The following CEP120 variants were observed in gnomAD, a reference collection of about 807,000 sequenced individuals.
CEP120 encodes centrosomal protein 120, also known as centrosomal protein of 120 kDa.
CEP120 carries 113 observed loss-of-function variants against 126.5 expected under a neutral mutation model. That is an observed-to-expected ratio of 0.89 (90% CI 0.77 to 1.04). The LOEUF (loss-of-function observed/expected upper bound fraction) is 1.04. Ranked by LOEUF, CEP120 falls within the 50% of genes least tolerant of loss-of-function variation. The pLI is 0.00. For synonymous variants in CEP120, 400 were observed against 394.3 expected (o/e 1.01, Z -0.17); for missense variants, 1,230 against 1,155.7 (o/e 1.06, Z -0.93).
chr5:123,370,487 G>GT (rs565536759), intron 17 of CEP120, among the ~76,000 whole-genome samples: 1 of 151,130 alleles, frequency 6.6e-6, no homozygotes, highest in East Asian at 2.0e-4. Flanking sequence ...TTTTGTTTTT[G>GT]TTTTTTTGAG....
At chr5:123,416,774 A>AT (rs950716472) in intron 2 of CEP120, among the ~76,000 whole-genome samples, 1 of 152,140 alleles carries the variant, frequency 6.6e-6, no homozygotes, top group African/African-American at 2.4e-5. Flanking sequence ...ATTATCATGA[A>AT]TTTTCAGGAC....
At position 123,372,735 on chromosome 5, in the gene CEP120, T is replaced by C; in HGVS notation, c.2396A>G (p.Lys799Arg). 3 of 1,607,214 alleles carry C rather than the reference T, an allele frequency of 1.9e-6. No individual in the cohort carries two copies. Among genetic ancestry groups the C allele is most frequent in the Non-Finnish European group, 2.5e-6 (3 of 1,176,658 alleles). ...CTGGTCCTTGAACTGTTGGAACTCT[T>C]TTTCCAAAATCTTATACTTATTTTC... Reference protein sequence around the residue: ...DAENKYKILEKEFQQFKDQQN... With the variant: ...DAENKYKILEREFQQFKDQQN... The change falls in exon 17 of 20, where the codon AAA becomes AGA. Residue 799 changes from lysine to arginine, a missense_variant. Lys to Arg is a conservative substitution (Grantham distance 26, BLOSUM62 2). Transcript: ENST00000306467.
chr5:123,422,700 T>A, intron 1 of CEP120: 2 of 748,856 alleles, frequency 2.7e-6, no homozygotes, highest in Non-Finnish European at 4.4e-6. Context: ...TGAAAATCGT[T>A]TTCTCTAGAT....
chr5:123,389,819 C>T (rs1772269273), intron 8 of CEP120, 105 bp downstream of exon 8: 2 of 1,037,500 alleles, frequency 1.9e-6, no homozygotes, highest in South Asian at 1.5e-5. Context: ...CTTAACAAAC[C>T]CACAATTTTT....
In CEP120 at chr5:123,371,634, A is replaced by G. The variant is rs539550081; in HGVS notation, c.2481+1016T>C. ...ACCACAGGGAGGATGGCCTGAAGGA[A>G]GCTGGAGAGAAGGGCTCTCTGATGG... On this transcript the variant is annotated intron_variant, in intron 17 of 19. Transcript: ENST00000306467. Among the ~76,000 whole-genome samples the G allele has an allele frequency of 6.6e-4, 101 of 152,196 alleles. 1 individual carries two copies. The highest frequency in any genetic ancestry group is 1.4e-3 in the Non-Finnish European group (92 of 67,972).
At chr5:123,388,700 T>C in intron 8 of CEP120, 94 bp from the exon 9 acceptor site, 1 of 1,008,226 alleles carries the variant, frequency 9.9e-7, no homozygotes, top group Non-Finnish European at 1.4e-6. Context: ...CTCATTTACC[T>C]TTAAGCAGGA....
intron 2 of CEP120, among the ~76,000 whole-genome samples, chr5:123,417,272 G>T (rs1464973075): frequency 1.3e-5 from 2 of 150,946 alleles, no homozygotes; most frequent in African/African-American, 4.9e-5. Context: ...AGCAACAGAG[G>T]TAAATAGAGT....
intron 4 of CEP120, 108 bp downstream of exon 4, chr5:123,412,291 T>C (rs1245462230): frequency 1.0e-6 from 1 of 967,976 alleles, no homozygotes; most frequent in Non-Finnish European, 1.5e-6. Flanking sequence ...ATTTGTCTGA[T>C]GAACAGTTTA....
rs192287499 is a variant in CEP120, at chr5:123,373,728, C to T, written c.2359-956G>A. Among the ~76,000 whole-genome samples the T allele has an allele frequency of 6.1e-4, 93 of 152,160 alleles. 1 individual carries two copies. Among genetic ancestry groups the T allele is most frequent in the African/African-American group, 1.9e-3 (80 of 41,538 alleles). On this transcript the variant is annotated intron_variant, in intron 16 of 19. Coordinates refer to ENST00000306467, the MANE Select transcript of CEP120 (RefSeq NM_001375405.1). Reference sequence around the variant, plus strand: ...CTCCAGGCTTGTGTTTTGAAGGGCTCCTCTGAGCCACATGGAAGATCCTCG... The same window carrying T: ...CTCCAGGCTTGTGTTTTGAAGGGCTTCTCTGAGCCACATGGAAGATCCTCG...
chr5:123,390,167 A>G, intron 7 of CEP120, 27 bp from the exon 8 acceptor site: 1 of 1,497,208 alleles, frequency 6.7e-7, no homozygotes, highest in Non-Finnish European at 9.2e-7. Flanking sequence ...AATAAAGTAT[A>G]ATTTGCAAAG....
chr5:123,391,461 A>G (rs950161312), intron 6 of CEP120, 124 bp from the exon 7 acceptor site: 5 of 692,758 alleles, frequency 7.2e-6, no homozygotes, highest in Non-Finnish European at 1.2e-5. Flanking sequence ...GTTATACCTC[A>G]TTGACCTCAA....
intron 2 of CEP120, among the ~76,000 whole-genome samples, chr5:123,417,229 AATACT>A (rs1774444307): frequency 2.0e-5 from 3 of 152,238 alleles, no homozygotes; most frequent in African/African-American, 7.2e-5. Context: ...CTAAGAATGC[AATACT>A]TCTTCAAATA....
At chr5:123,354,363 G>A (rs550949591) in intron 18 of CEP120, among the ~76,000 whole-genome samples, 167 of 152,238 alleles carry the variant, frequency 1.1e-3, no homozygotes, top group Non-Finnish European at 2.1e-3. Flanking sequence ...CTAGAAAATA[G>A]TGTACATTCT....
intron 17 of CEP120, among the ~76,000 whole-genome samples, chr5:123,365,444 C>T (rs936843293): frequency 6.6e-6 from 1 of 151,652 alleles, no homozygotes; most frequent in African/African-American, 2.4e-5. Context: ...TACACTGTTA[C>T]TCTGAACCGG....
chr5:123,356,387 G>T (rs1476785907), intron 18 of CEP120, among the ~76,000 whole-genome samples: 2 of 152,086 alleles, frequency 1.3e-5, no homozygotes, highest in Non-Finnish European at 2.9e-5. Context: ...AATCAATATC[G>T]TGAAAATGGC....
rs1769105603 is a variant in CEP120, at chr5:123,350,089, T to C, written c.2581A>G (p.Arg861Gly). The part of the protein sequence containing the change: ...ALKELARLKQ[R>G]EQESQMARLK... ...CGAGCCATTTGACTTTCTTGCTCCC[T>C]CTTGAAAGAAACAAAGAAACAAGTC... Residue 861 changes from arginine to glycine, a missense_variant and splice_region_variant, in exon 19 of 20, where the codon AGG (arginine) becomes GGG (glycine). By Grantham distance (125) the Arg-to-Gly change is moderately radical. Coordinates refer to ENST00000306467, the MANE Select transcript of CEP120 (RefSeq NM_001375405.1). The C allele has an allele frequency of 7.5e-6, 12 of 1,605,112 alleles. No homozygotes were observed. The highest frequency in any genetic ancestry group is 7.6e-6 in the Non-Finnish European group (9 of 1,177,398).
intron 18 of CEP120, among the ~76,000 whole-genome samples, chr5:123,350,756 A>G (rs1216543681): frequency 6.6e-6 from 1 of 152,262 alleles, no homozygotes; most frequent in African/African-American, 2.4e-5. Context: ...TCTTAAACAA[A>G]AATGAAAACA....
At chr5:123,371,187 TGCC>T (rs1380250645) in intron 17 of CEP120, among the ~76,000 whole-genome samples, 7 of 152,068 alleles carry the variant, frequency 4.6e-5, no homozygotes, top group Non-Finnish European at 7.4e-5. Flanking sequence ...TGTAACATGA[TGCC>T]TATATTAGTC....
At chr5:123,422,812 G>T in intron 1 of CEP120, 138 bp downstream of exon 1, 1 of 844,964 alleles carries the variant, frequency 1.2e-6, no homozygotes, top group Non-Finnish European at 2.0e-6. Flanking sequence ...ACCTCACTAC[G>T]TACAACTTTG....
Sources: gnomAD v4.1 joint callset for allele counts (sites outside exome capture counted in the v4.1 genomes callset) on GRCh38, gnomAD v4.1.1 for gene constraint, MANE v1.5 for transcripts, NCBI Gene and HGNC (gene_info 2026-07-23, HGNC 2026-07-21) for gene names.